Variants in TRIM41 observed in about 807,000 individuals in gnomAD.
TRIM41 encodes E3 ubiquitin-protein ligase TRIM41.
Under a neutral mutation model 60.6 loss-of-function variants are expected in TRIM41, and 21 were observed. The observed-to-expected ratio is 0.35, with a 90% CI of 0.25 to 0.50. TRIM41 has a LOEUF of 0.50. Among genes scored for constraint, TRIM41 ranks in the 20% least tolerant of loss-of-function variants. TRIM41 has a pLI of 0.98. For synonymous variants in TRIM41, 407 were observed against 344.9 expected, an observed-to-expected ratio of 1.18 and a Z score of -2.00; for missense variants, 846 against 868.3, an observed-to-expected ratio of 0.97 and a Z score of 0.32.
rs139611453 is a variant in TRIM41, at chr5:181,232,659, A to G, written c.910A>G (p.Ser304Gly). The change falls in exon 3 of 6, where the codon AGC (serine) becomes GGC (glycine). Residue 304 changes from serine to glycine, a missense_variant and splice_region_variant. Ser to Gly is a moderately conservative substitution (Grantham distance 56, BLOSUM62 0). Coordinates refer to ENST00000315073, the MANE Select transcript of TRIM41 (RefSeq NM_033549.5). ...TGCCATCCCCTTTGCACCATTCCAG[A>G]GCCAGATGAAGTCAGAGCTGGCAGC... ...KEERRVTELK[S>G]QMKSELAAVA... is the part of the protein sequence containing the mutation. 1.5e-5 allele frequency: 24 copies of G among 1,613,252 alleles called. No homozygotes were observed. Among genetic ancestry groups the G allele is most frequent in the Non-Finnish European group, 2.0e-5 (24 of 1,179,754 alleles).
At chr5:181,232,405 A>G in intron 2 of TRIM41, 1 of 493,854 alleles carries the variant, frequency 2.0e-6, no homozygotes, top group Non-Finnish European at 3.6e-6. Context: ...GACCTGAAGG[A>G]TGAGTCAACT....
rs1305126860 is a variant in TRIM41, at chr5:181,233,692, C to G, written c.1220C>G (p.Pro407Arg). Residue 407 changes from proline to arginine, a missense_variant, in exon 5 of 6, where the codon CCC becomes CGC. Transcript: ENST00000315073. This position sits in a 1 kb window ranked among gnomAD's most constrained non-coding sequence, Gnocchi z 4.1. Reference protein sequence around the residue: ...PEVWSPDPCQPHSHDFLTDAI... With the variant: ...PEVWSPDPCQRHSHDFLTDAI... The stretch of plus-strand genomic sequence containing the variant: ...GTCTGGTCCCCTGACCCGTGCCAAC[C>G]CCATAGCCATGACTTCCTGACAGAT... The G allele has an allele frequency of 2.5e-6, 4 of 1,614,198 alleles. No individual in the cohort carries two copies. Among genetic ancestry groups the G allele is most frequent in the African/African-American group, 1.3e-5 (1 of 75,036 alleles).
Position 181,234,286 on chromosome 5 carries a change from C to T in TRIM41, c.1404C>T (p.Arg468=). Residue 468 remains arginine (R), a synonymous_variant, in exon 6 of 6, where the codon CGC becomes CGT. Transcript: ENST00000315073. The surrounding 1 kb of genome is among the most constrained non-coding windows in gnomAD (Gnocchi z 5.6). ...AGGAGGTTGCTGACCATCCCAAGCG[C>T]TTCTCGGCCGACTGCTGCGTACTGG... The part of the protein sequence containing the change: ...RRQEVADHPK[R]FSADCCVLGA... 1 of 1,612,842 alleles carries T rather than the reference C, an allele frequency of 6.2e-7. No homozygotes were observed. The highest frequency in any genetic ancestry group is 8.5e-7 in the Non-Finnish European group (1 of 1,179,830).
intron 1 of TRIM41, 83 bp downstream of exon 1, chr5:181,224,895 T>G: frequency 5.7e-6 from 9 of 1,577,838 alleles, no homozygotes; most frequent in Non-Finnish European, 7.8e-6. Context: ...GAAACATCTC[T>G]TCACCCACCA....
In TRIM41 at chr5:181,223,618, C is replaced by G. The variant is rs1758389777; in HGVS notation, c.-382C>G. On this transcript the variant is annotated 5_prime_UTR_variant, in exon 1 of 6. Coordinates refer to ENST00000315073, the MANE Select transcript of TRIM41 (RefSeq NM_033549.5). ...GAGTAGCAGGACAGCGGAGGGAAGT[C>G]GCGAGCTTAGGTGGTGTGTAGACGC... 1 of 461,082 alleles carries G rather than the reference C, an allele frequency of 2.2e-6. No homozygotes were observed. 28.6% of individuals were successfully genotyped at this position (461,082 alleles called of 1,614,324 possible). A position where few individuals can be genotyped will look rare whatever the true frequency, so the allele number is the denominator to read the frequency against.
At chr5:181,229,219 C>T (rs1295995026) in intron 1 of TRIM41, 2 of 152,178 alleles carry the variant, frequency 1.3e-5, no homozygotes, top group African/African-American at 4.8e-5. Flanking sequence ...GTATAGGGAA[C>T]AAATATTAGA....
chr5:181,224,285 G>C lies in TRIM41; in HGVS notation c.286G>C (p.Glu96Gln). 6.2e-7 allele frequency: 1 copy of C among 1,614,162 alleles called. No homozygotes were observed. The highest frequency in any genetic ancestry group is 8.5e-7 in the Non-Finnish European group (1 of 1,180,016). The change falls in exon 1 of 6, where the codon GAG (glutamate) becomes CAG (glutamine). Residue 96 changes from glutamate to glutamine, a missense_variant. Physicochemically the swap from Glu to Gln is conservative, Grantham distance 29. Transcript: ENST00000315073. ...GGATGAAGACTACGAGGGTGACATG[G>C]AGGAGGAGGTCGAGGAGGAAGAAGA... ...MRDEDYEGDMEEEVEEEEEGV... is the reference protein window; with the variant it reads ...MRDEDYEGDMQEEVEEEEEGV...
In TRIM41 at chr5:181,233,363, T is replaced by A; in HGVS notation, c.1141-50T>A. ...AACGCTGTCCCTGTGCAGCTGACACTCTCTTTATCTCTTTCTCCCTCTCCC... is the reference window on the plus strand; with the variant it reads ...AACGCTGTCCCTGTGCAGCTGACACACTCTTTATCTCTTTCTCCCTCTCCC... On this transcript the variant is annotated intron_variant, in intron 3 of 5. Coordinates refer to ENST00000315073, the MANE Select transcript of TRIM41 (RefSeq NM_033549.5). The surrounding 1 kb of genome is among the most constrained non-coding windows in gnomAD (Gnocchi z 4.1). The A allele has an allele frequency of 1.9e-6, 3 of 1,584,254 alleles. No homozygotes were observed. The highest frequency in any genetic ancestry group is 2.6e-6 in the Non-Finnish European group (3 of 1,154,118).
intron 1 of TRIM41, chr5:181,225,407 T>G (rs1203074555): frequency 6.2e-6 from 1 of 161,958 alleles, no homozygotes; most frequent in African/African-American, 2.4e-5. Flanking sequence ...CTTGATTAAG[T>G]CTGTGAGTGT....
At chr5:181,224,862 G>T in intron 1 of TRIM41, 50 bp downstream of exon 1, 1 of 1,610,400 alleles carries the variant, frequency 6.2e-7, no homozygotes, top group South Asian at 1.1e-5. Context: ...GGATGGAGAG[G>T]AAGTAAGGGG....
chr5:181,230,932 T>C, intron 2 of TRIM41, 93 bp downstream of exon 2: 1 of 1,149,386 alleles, frequency 8.7e-7, no homozygotes, highest in Non-Finnish European at 1.3e-6. Context: ...CTTGGTCCCC[T>C]GAGGAGGGGA....
Position 181,235,001 on chromosome 5 carries a change from C to T in TRIM41, c.*226C>T. 6.2e-7 allele frequency: 1 copy of T among 1,614,064 alleles called. No individual in the cohort carries two copies. The highest frequency in any genetic ancestry group is 8.5e-7 in the Non-Finnish European group (1 of 1,179,952). ...CTACTATGTCTGTCCAACAGGTCTG[C>T]ATGGGTCCCTGATAATGAGAACAGC... is the stretch of plus-strand genomic sequence containing the variant. On this transcript the variant is annotated 3_prime_UTR_variant, in exon 6 of 6. Coordinates refer to ENST00000315073, the MANE Select transcript of TRIM41 (RefSeq NM_033549.5).
At chr5:181,232,577 T>C in intron 2 of TRIM41, 82 bp from the exon 3 acceptor site, 1 of 1,338,984 alleles carries the variant, frequency 7.5e-7, no homozygotes, top group Non-Finnish European at 1.0e-6. Flanking sequence ...TTGCCTTGCA[T>C]TGAGAAGTAG....
At chr5:181,226,818 A>G (rs1758570605) in intron 1 of TRIM41, 1 of 151,940 alleles carries the variant, frequency 6.6e-6, no homozygotes, top group Admixed American at 6.6e-5. Context: ...GAAATCCCGT[A>G]TTAGGTCCTG....
At position 181,235,619 on chromosome 5, in the gene TRIM41, G is replaced by T; in HGVS notation, c.*844G>T. The T allele has an allele frequency of 6.8e-6, 4 of 585,220 alleles. No individual in the cohort carries two copies. The highest frequency in any genetic ancestry group is 4.5e-5 in the South Asian group (2 of 44,182). The allele number at this position is 585,220 out of a possible 1,614,324, so 36.3% of individuals were successfully genotyped here. On this transcript the variant is annotated 3_prime_UTR_variant, in exon 6 of 6. Transcript: ENST00000315073. ...CCATGCCTTTCACTCCATTTGGCAA[G>T]CTCTGAGGGGGAGCCTGGGGACGGG...
In TRIM41 at chr5:181,223,652, T is replaced by G; in HGVS notation, c.-348T>G. ...AGGTGGTGTGTAGACGCCGGAAGTG[T>G]TGGGAAGGAGGCCGGAAGCTAGGGG... On this transcript the variant is annotated 5_prime_UTR_variant, in exon 1 of 6. Coordinates refer to ENST00000315073, the MANE Select transcript of TRIM41 (RefSeq NM_033549.5). 3 of 471,676 alleles carry G rather than the reference T, an allele frequency of 6.4e-6. No individual in the cohort carries two copies. The highest frequency in any genetic ancestry group is 7.5e-6 in the Non-Finnish European group (2 of 267,820). 29.2% of individuals were successfully genotyped at this position (471,676 alleles called of 1,614,324 possible).
At chr5:181,232,569 G>C (rs1758849837) in intron 2 of TRIM41, 90 bp from the exon 3 acceptor site, 2 of 1,262,674 alleles carry the variant, frequency 1.6e-6, no homozygotes, top group Admixed American at 2.3e-5. Flanking sequence ...GGGCTCCTTT[G>C]CCTTGCATTG....
chr5:181,223,316 G>A lies in TRIM41; in HGVS notation c.-684G>A. On this transcript the variant is annotated 5_prime_UTR_variant, in exon 1 of 6. Coordinates refer to ENST00000315073, the MANE Select transcript of TRIM41 (RefSeq NM_033549.5). Reference sequence around the variant, plus strand: ...TCGGCTGTGGGGAGTACCGGCTGCAGTCGGCTGTGCCGGGAGGGTAGGATG... The same window carrying A: ...TCGGCTGTGGGGAGTACCGGCTGCAATCGGCTGTGCCGGGAGGGTAGGATG... 1 of 399,224 alleles carries A rather than the reference G, an allele frequency of 2.5e-6. No individual in the cohort carries two copies. The highest frequency in any genetic ancestry group is 4.4e-5 in the Admixed American group (1 of 22,798). The allele number at this position is 399,224 out of a possible 1,614,324, so 24.7% of individuals were successfully genotyped here.
intron 1 of TRIM41, chr5:181,225,014 C>T (rs918189040): frequency 3.0e-6 from 2 of 661,544 alleles, no homozygotes; most frequent in Non-Finnish European, 2.5e-6. Context: ...GCAGTGAAGA[C>T]GACCAGGGAA....
Sources: allele counts gnomAD v4.1 joint callset, GRCh38; gene constraint gnomAD v4.1.1; non-coding constraint Gnocchi (gnomAD v3.1); transcripts MANE v1.5; gene names NCBI Gene and HGNC (gene_info 2026-07-23, HGNC 2026-07-21).